KCNC2: variants seen among roughly 807,000 people sequenced by gnomAD.
KCNC2 encodes voltage-gated potassium channel KCNC2.
KCNC2 carries 21 observed loss-of-function variants against 44.5 expected under a neutral mutation model. The ratio of observed to expected loss-of-function variants is 0.47; its 90% CI spans 0.33 to 0.68. KCNC2 has a LOEUF of 0.68. Among genes scored for constraint, KCNC2 ranks in the 30% least tolerant of loss-of-function variants. The pLI is 0.01. For missense variants in KCNC2, 589 were observed against 826.2 expected, an observed-to-expected ratio of 0.71 and a Z score of 3.52; for synonymous variants, 391 against 339.1, an observed-to-expected ratio of 1.15 and a Z score of -1.68.
intron 2 of KCNC2, among the ~76,000 whole-genome samples, chr12:75,153,980 G>A (rs189809728): frequency 7.9e-5 from 12 of 151,564 alleles, no homozygotes; most frequent in Non-Finnish European, 1.2e-4. Flanking sequence ...CACATTCTGC[G>A]TACTTATTGA....
In KCNC2 at chr12:75,207,282, C is replaced by A; in HGVS notation, c.687+15G>T. On this transcript the variant is annotated intron_variant, in intron 2 of 4. Coordinates refer to ENST00000549446, the MANE Select transcript of KCNC2 (RefSeq NM_139137.4). This position sits in a 1 kb window ranked among gnomAD's most constrained non-coding sequence, Gnocchi z 4.1. ...GAAGTTGAAGCAGCAGGGAAGGGGT[C>A]GATTCTGGCCTTACCCTGGCGGCTC... 6.6e-7 allele frequency: 1 copy of A among 1,520,436 alleles called. No homozygotes were observed. The highest frequency in any genetic ancestry group is 8.8e-7 in the Non-Finnish European group (1 of 1,138,952). The allele number at this position is 1,520,436 out of a possible 1,614,324, so 94.2% of individuals were successfully genotyped here.
intron 4 of KCNC2, among the ~76,000 whole-genome samples, chr12:75,047,040 C>T (rs1217439752): frequency 6.6e-6 from 1 of 151,810 alleles, no homozygotes; most frequent in Non-Finnish European, 1.5e-5. Context: ...CAACTAAGCA[C>T]GGTATTATTT....
intron 2 of KCNC2, among the ~76,000 whole-genome samples, chr12:75,153,356 G>A (rs547662080): frequency 1.1e-4 from 16 of 152,018 alleles, no homozygotes; most frequent in African/African-American, 2.9e-4. Flanking sequence ...GAAAATTTAC[G>A]TGTAACATTT....
chr12:75,174,089 G>A (rs1191612588), intron 2 of KCNC2, among the ~76,000 whole-genome samples: 4 of 150,416 alleles, frequency 2.7e-5, no homozygotes, highest in South Asian at 4.2e-4. Context: ...TCCTTCATAT[G>A]AATTTTGATT....
At chr12:75,119,477 T>C (rs1565870553) in intron 2 of KCNC2, among the ~76,000 whole-genome samples, 1 of 152,244 alleles carries the variant, frequency 6.6e-6, no homozygotes, top group Non-Finnish European at 1.5e-5. Flanking sequence ...ATTGTTATCT[T>C]CATTATTCAG....
At chr12:75,098,019 T>G (rs1427838930) in intron 2 of KCNC2, among the ~76,000 whole-genome samples, 1 of 152,068 alleles carries the variant, frequency 6.6e-6, no homozygotes, top group Non-Finnish European at 1.5e-5. Context: ...AAGCTTATTA[T>G]TTACATTATT....
intron 2 of KCNC2, among the ~76,000 whole-genome samples, chr12:75,092,366 C>T (rs1048122195): frequency 2.0e-5 from 3 of 151,544 alleles, no homozygotes; most frequent in African/African-American, 7.3e-5. Context: ...ATCTGATTTT[C>T]AAATTTTCTT....
At chr12:75,072,793 A>C (rs1010344635) in intron 2 of KCNC2, among the ~76,000 whole-genome samples, 1 of 152,114 alleles carries the variant, frequency 6.6e-6, no homozygotes. Flanking sequence ...ATTTCAGTAA[A>C]GGTTCTTGAA....
chr12:75,062,083 C>T (rs1311167649), intron 2 of KCNC2, among the ~76,000 whole-genome samples: 1 of 151,994 alleles, frequency 6.6e-6, no homozygotes, highest in Non-Finnish European at 1.5e-5. Flanking sequence ...ATTCATCTGT[C>T]CTAAAAATTA....
intron 2 of KCNC2, among the ~76,000 whole-genome samples, chr12:75,131,553 T>C (rs768330188): frequency 9.2e-5 from 14 of 152,082 alleles, no homozygotes. Context: ...TTCAATCTAA[T>C]AGATGAGCCC....
chr12:75,179,689 G>T (rs962148255), intron 2 of KCNC2, among the ~76,000 whole-genome samples: 6 of 149,078 alleles, frequency 4.0e-5, no homozygotes, highest in Non-Finnish European at 7.4e-5. Flanking sequence ...AACTATAAAA[G>T]ATATAAAACT....
At chr12:75,055,665 A>C (rs1050100567) in intron 2 of KCNC2, among the ~76,000 whole-genome samples, 3 of 152,092 alleles carry the variant, frequency 2.0e-5, no homozygotes, top group African/African-American at 4.8e-5. Flanking sequence ...TGTGAGTCTA[A>C]TCAGTAGGCA....
Position 75,182,681 on chromosome 12 carries a change from C to T in KCNC2, c.687+24616G>A, listed in dbSNP as rs574645461. On this transcript the variant is annotated intron_variant, in intron 2 of 4. Coordinates refer to ENST00000549446, the MANE Select transcript of KCNC2 (RefSeq NM_139137.4). The stretch of plus-strand genomic sequence containing the variant: ...TTAGATTTTTAGAAAGGCAATATGG[C>T]ATCCTGAACATGTGCATATGTTATG... 3.9e-5 allele frequency among the ~76,000 whole-genome samples: 6 copies of T among 152,184 alleles called. No individual in the cohort carries two copies. In the East Asian group the frequency reaches 1.2e-3, roughly 29 times the overall value.
At chr12:75,162,117 T>C (rs926398219) in intron 2 of KCNC2, among the ~76,000 whole-genome samples, 2 of 151,734 alleles carry the variant, frequency 1.3e-5, no homozygotes, top group East Asian at 3.9e-4. Context: ...CCCTCCTCTC[T>C]TTCCTCTCAT....
chr12:75,086,699 T>TATATATATAC (rs1339170718), intron 2 of KCNC2, among the ~76,000 whole-genome samples: 159 of 138,380 alleles, frequency 1.1e-3, no homozygotes, highest in African/African-American at 4.0e-3. Context: ...TATATATATA[T>TATATATATAC]ACACACACAT....
At chr12:75,168,107 G>GA (rs145624227) in intron 2 of KCNC2, among the ~76,000 whole-genome samples, 26,458 of 150,594 alleles carry the variant, frequency 0.18, 2,700 homozygotes, top group Admixed American at 0.25. Flanking sequence ...TCCTAAAACT[G>GA]AAAAAATAAA....
intron 2 of KCNC2, among the ~76,000 whole-genome samples, chr12:75,193,642 G>A (rs1565684166): frequency 6.6e-6 from 1 of 152,080 alleles, no homozygotes; most frequent in African/African-American, 2.4e-5. Flanking sequence ...TCCTCAAAGT[G>A]CATGGAGAAA....
chr12:75,090,741 T>C (rs1232577002), intron 2 of KCNC2, among the ~76,000 whole-genome samples: 1 of 151,608 alleles, frequency 6.6e-6, no homozygotes, highest in Non-Finnish European at 1.5e-5. Flanking sequence ...AAATTATAAT[T>C]AAAGCATGTA....
chr12:75,181,584 T>A (rs950474517), intron 2 of KCNC2, among the ~76,000 whole-genome samples: 3 of 152,196 alleles, frequency 2.0e-5, no homozygotes, highest in African/African-American at 7.2e-5. Flanking sequence ...TCAACCTTTT[T>A]ATTCAAACTA....
Sources: gnomAD v4.1 joint callset for allele counts (sites outside exome capture counted in the v4.1 genomes callset) on GRCh38, gnomAD v4.1.1 for gene constraint, Gnocchi (gnomAD v3.1) non-coding constraint, MANE v1.5 for transcripts, NCBI Gene and HGNC (gene_info 2026-07-23, HGNC 2026-07-21) for gene names.